Variants in PTPN21 observed in about 807,000 individuals in gnomAD.
The protein encoded by PTPN21 is tyrosine-protein phosphatase non-receptor type 21.
PTPN21 carries 77 observed loss-of-function variants against 131.8 expected under a neutral mutation model. The observed-to-expected ratio is 0.58, with a 90% CI of 0.49 to 0.71. The LOEUF is 0.71. Among genes scored for constraint, PTPN21 ranks in the 30% least tolerant of loss-of-function variants. The pLI is 0.00. For missense variants in PTPN21, 1,552 were observed against 1,527.1 expected, an observed-to-expected ratio of 1.02 and a Z score of -0.27; for synonymous variants, 715 against 621.3, an observed-to-expected ratio of 1.15 and a Z score of -2.24.
At chr14:88,480,402 C>A (rs779074472) in intron 12 of PTPN21, 50 bp from the exon 13 acceptor site, 2 of 1,384,960 alleles carry the variant, frequency 1.4e-6, no homozygotes, top group East Asian at 4.6e-5. Context: ...ACTAATTACT[C>A]CAACCAAATA....
In PTPN21 at chr14:88,469,880, T is replaced by C. The variant is rs774134214; in HGVS notation, c.3000+42A>G. 8.1e-6 allele frequency: 13 copies of C among 1,612,430 alleles called. No individual in the cohort carries two copies. The highest frequency in any genetic ancestry group is 1.1e-5 in the Non-Finnish European group (13 of 1,178,812). On this transcript the variant is annotated intron_variant, in intron 16 of 18. Transcript: ENST00000556564. This position sits in a 1 kb window ranked among gnomAD's most constrained non-coding sequence, Gnocchi z 4.3. ...TCCAGATGATTAACATTAACTGTTC[T>C]TCAGAGGCTGAGAAAATCACTTAAG...
chr14:88,522,097 G>A (rs12050316), intron 2 of PTPN21, among the ~76,000 whole-genome samples: 74,413 of 151,950 alleles, frequency 0.49, 21,067 homozygotes, highest in Middle Eastern at 0.65. Context: ...AGAGAGTAGC[G>A]AGAACTTTAT....
intron 2 of PTPN21, among the ~76,000 whole-genome samples, chr14:88,530,210 T>C (rs1395061213): frequency 1.3e-5 from 2 of 152,142 alleles, no homozygotes; most frequent in African/African-American, 4.8e-5. Flanking sequence ...TAAAGTCTTT[T>C]TCAGACAAAC....
chr14:88,477,588 A>T (rs534216579), intron 13 of PTPN21, among the ~76,000 whole-genome samples: 217 of 152,086 alleles, frequency 1.4e-3, no homozygotes, highest in Middle Eastern at 0.01. Flanking sequence ...TGTTTGCAGC[A>T]TCTTAAAGGA....
intron 12 of PTPN21, among the ~76,000 whole-genome samples, chr14:88,483,634 A>G (rs778791955): frequency 1.3e-5 from 2 of 152,016 alleles, no homozygotes; most frequent in Non-Finnish European, 2.9e-5. Flanking sequence ...TACTCTCCAA[A>G]CACACCCTGC....
chr14:88,506,449 T>C (rs1412244282), intron 4 of PTPN21, among the ~76,000 whole-genome samples: 4 of 152,168 alleles, frequency 2.6e-5, no homozygotes, highest in Middle Eastern at 6.3e-3. Context: ...TTTATTTATA[T>C]ATGTACATTT....
intron 3 of PTPN21, 101 bp downstream of exon 3, chr14:88,516,991 G>A: frequency 7.4e-7 from 1 of 1,352,102 alleles, no homozygotes; most frequent in South Asian, 1.4e-5. Context: ...TGTGGGGCGA[G>A]AGGGCAAAGT....
At chr14:88,549,244 C>G (rs1024752294) in intron 2 of PTPN21, among the ~76,000 whole-genome samples, 8 of 152,122 alleles carry the variant, frequency 5.3e-5, no homozygotes, top group African/African-American at 1.9e-4. Flanking sequence ...GCTAGACCTA[C>G]CTTGACTCTA....
intron 13 of PTPN21, among the ~76,000 whole-genome samples, chr14:88,476,309 T>A (rs2077546044): frequency 6.6e-6 from 1 of 152,236 alleles, no homozygotes; most frequent in African/African-American, 2.4e-5. Context: ...AAATATATGA[T>A]GCCACCTCAC....
chr14:88,539,739 AT>A (rs61596377), intron 2 of PTPN21, among the ~76,000 whole-genome samples: 6,855 of 152,316 alleles, frequency 0.045, 198 homozygotes, highest in South Asian at 0.074. Flanking sequence ...CATTAGTTGT[AT>A]AGCATCATAC....
At position 88,480,077 on chromosome 14, in the gene PTPN21, C is replaced by G; in HGVS notation, c.1354G>C (p.Glu452Gln). The part of the protein sequence containing the change: ...PPSYRPTPDY[E>Q]TVMKQLNRGL... ...CTGTTGAGCTGCTTCATCACAGTCT[C>G]ATAGTCTGGGGTGGGGCGGTAGGAC... The change falls in exon 13 of 19, where the codon GAG becomes CAG. Residue 452 changes from glutamate to glutamine, a missense_variant. Glu to Gln is a conservative substitution (Grantham distance 29, BLOSUM62 2). Coordinates refer to ENST00000556564, the MANE Select transcript of PTPN21 (RefSeq NM_007039.4). 6.2e-7 allele frequency: 1 copy of G among 1,614,170 alleles called. No individual in the cohort carries two copies.
intron 14 of PTPN21, among the ~76,000 whole-genome samples, chr14:88,473,359 G>A (rs2077499650): frequency 6.6e-6 from 1 of 152,072 alleles, no homozygotes; most frequent in Non-Finnish European, 1.5e-5. Flanking sequence ...GTATGCTCCT[G>A]TATTTTTGTA....
intron 15 of PTPN21, 122 bp downstream of exon 15, chr14:88,472,122 A>G (rs1247639041): frequency 1.5e-6 from 1 of 650,848 alleles, no homozygotes; most frequent in African/African-American, 1.8e-5. Context: ...TATCTAAAAC[A>G]ATACAATAAA....
At chr14:88,476,734 G>C (rs2077553024) in intron 13 of PTPN21, among the ~76,000 whole-genome samples, 1 of 152,190 alleles carries the variant, frequency 6.6e-6, no homozygotes, top group Non-Finnish European at 1.5e-5. Flanking sequence ...TTCTTAACTT[G>C]TAGGACCTTT....
intron 8 of PTPN21, among the ~76,000 whole-genome samples, chr14:88,497,771 A>G (rs971665435): frequency 1.3e-5 from 2 of 151,432 alleles, no homozygotes; most frequent in Admixed American, 1.3e-4. Flanking sequence ...AGAGTGAGAC[A>G]CTGCCTCAAA....
rs139700701 is a variant in PTPN21, at chr14:88,550,463, C to A, written c.-46G>T. The A allele has an allele frequency of 8.3e-5, 129 of 1,560,230 alleles. No homozygotes were observed. The African/African-American group carries it at 1.6e-3, about 20-fold the overall frequency. ...GGAGGAGCAAAGAGGGAAAAGCTACCCCCACCAACCCAGCGCTGGTGACGC... is the reference window on the plus strand; with the variant it reads ...GGAGGAGCAAAGAGGGAAAAGCTACACCCACCAACCCAGCGCTGGTGACGC... On this transcript the variant is annotated 5_prime_UTR_variant, in exon 2 of 19. Transcript: ENST00000556564.
rs1468102335 is a variant in PTPN21 at position 88,479,054 on chromosome 14, T to G, written c.2377A>C (p.Met793Leu). 6.2e-7 allele frequency: 1 copy of G among 1,607,128 alleles called. No homozygotes were observed. Among genetic ancestry groups the G allele is most frequent in the Non-Finnish European group, 8.5e-7 (1 of 1,177,510 alleles). Residue 793 changes from methionine (M) to leucine (L), a missense_variant, in exon 13 of 19, where the codon ATG becomes CTG. By Grantham distance (15) the Met-to-Leu change is conservative. Around this residue, in one of 4 missense-constraint regions of PTPN21, gnomAD observed 1,016 missense variants for 883.5 expected, o/e 1.15. Coordinates refer to ENST00000556564, the MANE Select transcript of PTPN21 (RefSeq NM_007039.4). ...AGGTCGGACTCCGACATGGAGGGCA[T>G]CAGCAGCCCGTCTCTCCAGGGCCGC... ...AQRPWRDGLL[M>L]PSMSESDLTT... is the part of the protein sequence containing the mutation.
chr14:88,479,620 T>TGCACCGAGTGGTGCACGCG lies in PTPN21; in HGVS notation c.1792_1810dup (p.Gln604ProfsTer101). On this transcript the variant is annotated frameshift_variant, in exon 13 of 19. Transcript: ENST00000556564. LOFTEE classifies it high-confidence loss of function. The stretch of plus-strand genomic sequence containing the variant: ...GGGCAGGCTGTCCTCCTGGAACGTT[T>TGCACCGAGTGGTGCACGCG]GCACCGAGTGGTGCACGCGCCGCGT... The TGCACCGAGTGGTGCACGCG allele has an allele frequency of 1.9e-6, 3 of 1,576,534 alleles. No homozygotes were observed. The highest frequency in any genetic ancestry group is 2.6e-6 in the Non-Finnish European group (3 of 1,166,718).
chr14:88,512,738 T>C (rs1286389091), intron 3 of PTPN21, among the ~76,000 whole-genome samples: 1 of 152,236 alleles, frequency 6.6e-6, no homozygotes, highest in Non-Finnish European at 1.5e-5. Context: ...TTTTTAATTG[T>C]ATTAATTTTA....
Sources: allele counts gnomAD v4.1 joint callset (sites outside exome capture counted in the v4.1 genomes callset), GRCh38; gene constraint gnomAD v4.1.1; regional missense constraint gnomAD v4.1.1; non-coding constraint Gnocchi (gnomAD v3.1); transcripts MANE v1.5; gene names NCBI Gene and HGNC (gene_info 2026-07-23, HGNC 2026-07-21).